PALLD: variants seen among roughly 807,000 people sequenced by gnomAD.
The protein encoded by PALLD is palladin, cytoskeletal associated protein, also known as palladin.
A neutral mutation model predicts 123.5 loss-of-function variants in PALLD; 61 were observed. The ratio of observed to expected loss-of-function variants is 0.49; its 90% CI spans 0.40 to 0.61. The LOEUF (loss-of-function observed/expected upper bound fraction) is 0.61. PALLD is among the 20% of genes least tolerant of loss of function. PALLD has a pLI of 0.00. For synonymous variants in PALLD, 465 were observed against 496.4 expected, an observed-to-expected ratio of 0.94 and a Z score of 0.84; for missense variants, 1,273 against 1,377.0, an observed-to-expected ratio of 0.92 and a Z score of 1.20.
intron 2 of PALLD, among the ~76,000 whole-genome samples, chr4:168,594,438 C>T (rs1028637882): frequency 6.6e-6 from 1 of 152,008 alleles, no homozygotes; most frequent in African/African-American, 2.4e-5. Context: ...AAAACAGACG[C>T]GTGAGGGGAG....
At chr4:168,748,924 A>G (rs766874177) in intron 10 of PALLD, among the ~76,000 whole-genome samples, 1 of 152,198 alleles carries the variant, frequency 6.6e-6, no homozygotes, top group African/African-American at 2.4e-5. Flanking sequence ...CATATATGTC[A>G]TATAACATAA....
intron 10 of PALLD, among the ~76,000 whole-genome samples, chr4:168,882,186 A>G (rs1371603761): frequency 6.6e-6 from 1 of 152,238 alleles, no homozygotes; most frequent in African/African-American, 2.4e-5. Flanking sequence ...ATATAGGCCC[A>G]CAGCTCCTTA....
chr4:168,913,758 C>T (rs1582134383), intron 15 of PALLD, among the ~76,000 whole-genome samples, 169 bp from the exon 16 acceptor site: 1 of 152,058 alleles, frequency 6.6e-6, no homozygotes, highest in African/African-American at 2.4e-5. Flanking sequence ...TACTGAGGCA[C>T]TTAACTCACA....
chr4:168,804,976 T>C (rs1739949400), intron 10 of PALLD, among the ~76,000 whole-genome samples: 1 of 152,028 alleles, frequency 6.6e-6, no homozygotes, highest in Admixed American at 6.5e-5. Context: ...CTGGCCAACA[T>C]GGTGAAACCC....
intron 10 of PALLD, among the ~76,000 whole-genome samples, chr4:168,758,064 C>G (rs1732145528): frequency 6.6e-6 from 1 of 152,126 alleles, no homozygotes; most frequent in South Asian, 2.1e-4. Flanking sequence ...GAGCGAGACT[C>G]CATCTCAAAA....
intron 2 of PALLD, among the ~76,000 whole-genome samples, chr4:168,636,531 A>G (rs1380226772): frequency 6.6e-6 from 1 of 152,140 alleles, no homozygotes; most frequent in Non-Finnish European, 1.5e-5. Flanking sequence ...AAATCTCATG[A>G]TCTGTCCACC....
At chr4:168,755,841 C>A in intron 10 of PALLD, 1 of 182,180 alleles carries the variant, frequency 5.5e-6, no homozygotes, top group South Asian at 1.2e-4. Flanking sequence ...AGTAATCAGA[C>A]TGTCCACATT....
intron 10 of PALLD, among the ~76,000 whole-genome samples, chr4:168,830,231 CAA>C (rs1156711141): frequency 0.022 from 1,617 of 73,180 alleles, 22 homozygotes; most frequent in African/African-American, 0.077. Flanking sequence ...GACTTTGTCT[CAA>C]AAAAAAAAAA....
chr4:168,635,445 A>G (rs546949327), intron 2 of PALLD, among the ~76,000 whole-genome samples: 2 of 152,296 alleles, frequency 1.3e-5, no homozygotes, highest in East Asian at 1.9e-4. Context: ...TAAACCACCT[A>G]TTACCTCTGA....
At chr4:168,868,217 T>A (rs1164358613) in intron 10 of PALLD, among the ~76,000 whole-genome samples, 2 of 152,170 alleles carry the variant, frequency 1.3e-5, no homozygotes, top group African/African-American at 4.8e-5. Flanking sequence ...GCTGAAGCCA[T>A]ATACCAGTTG....
intron 1 of PALLD, among the ~76,000 whole-genome samples, chr4:168,503,578 C>T (rs1475922036): frequency 8.8e-5 from 13 of 147,824 alleles, no homozygotes; most frequent in East Asian, 2.0e-4. Flanking sequence ...ACCTGGGAGG[C>T]GGAGGTTGCA....
intron 17 of PALLD, among the ~76,000 whole-genome samples, chr4:168,916,518 C>G (rs1189363217): frequency 6.6e-6 from 1 of 152,002 alleles, no homozygotes; most frequent in African/African-American, 2.4e-5. Flanking sequence ...GTTCTTTACT[C>G]AGAACCCTAC....
chr4:168,497,231 G>T (rs1760837539), intron 1 of PALLD, 37 bp downstream of exon 1: 1 of 148,038 alleles, frequency 6.8e-6, no homozygotes, highest in Admixed American at 6.9e-5. Context: ...AACTAGTAGG[G>T]CAACATTTTA....
intron 2 of PALLD, among the ~76,000 whole-genome samples, chr4:168,655,452 T>C (rs1464211451): frequency 1.3e-5 from 2 of 152,182 alleles, no homozygotes; most frequent in African/African-American, 4.8e-5. Context: ...TAGATTAGAC[T>C]AGAGCCAGGA....
chr4:168,552,837 G>A (rs1049117486), intron 2 of PALLD, among the ~76,000 whole-genome samples: 2 of 151,980 alleles, frequency 1.3e-5, no homozygotes, highest in South Asian at 2.1e-4. Flanking sequence ...CACCATGACC[G>A]GCTAATTTTT....
intron 2 of PALLD, among the ~76,000 whole-genome samples, chr4:168,569,964 G>T (rs912732886): frequency 2.0e-5 from 3 of 152,114 alleles, no homozygotes; most frequent in Non-Finnish European, 4.4e-5. Flanking sequence ...TATTGACCAC[G>T]TTTCCTGTCT....
intron 2 of PALLD, among the ~76,000 whole-genome samples, chr4:168,518,483 A>C (rs1763216772): frequency 6.6e-6 from 1 of 151,622 alleles, no homozygotes; most frequent in Non-Finnish European, 1.5e-5. Flanking sequence ...ACCTCTTGCC[A>C]CTCCCCCAGT....
intron 10 of PALLD, among the ~76,000 whole-genome samples, chr4:168,886,232 C>T (rs1343043468): frequency 6.6e-6 from 1 of 152,046 alleles, no homozygotes; most frequent in Non-Finnish European, 1.5e-5. Context: ...AATCACTTAC[C>T]TTAGAAACCA....
At chr4:168,834,510 G>A (rs1259191022) in intron 10 of PALLD, among the ~76,000 whole-genome samples, 5 of 152,208 alleles carry the variant, frequency 3.3e-5, no homozygotes, top group Middle Eastern at 3.4e-3. Context: ...AGGCCGAGGC[G>A]GGCAGATCAC....
Sources: allele counts gnomAD v4.1 joint callset (sites outside exome capture counted in the v4.1 genomes callset), GRCh38; gene constraint gnomAD v4.1.1; transcripts MANE v1.5; gene names NCBI Gene and HGNC (gene_info 2026-07-23, HGNC 2026-07-21).